ZNF609: variants seen among roughly 807,000 people sequenced by gnomAD.
The protein encoded by ZNF609 is zinc finger protein 609.
In ZNF609, 11 loss-of-function variants were observed where a neutral mutation model predicts 109.5. The observed-to-expected ratio is 0.10, with a 90% CI of 0.06 to 0.17. The LOEUF is 0.17. Among genes scored for constraint, ZNF609 ranks in the 10% least tolerant of loss-of-function variants. The pLI is 1.00. For synonymous variants in ZNF609, 646 were observed against 662.0 expected, an observed-to-expected ratio of 0.98 and a Z score of 0.37; for missense variants, 1,559 against 1,772.4, an observed-to-expected ratio of 0.88 and a Z score of 2.16.
intron 2 of ZNF609, among the ~76,000 whole-genome samples, chr15:64,553,982 T>G (rs1006832172): frequency 6.6e-6 from 1 of 152,192 alleles, no homozygotes; most frequent in Admixed American, 6.5e-5. Context: ...TCTTTTAAGA[T>G]TCCATAGAAT....
intron 1 of ZNF609, among the ~76,000 whole-genome samples, chr15:64,484,303 G>A (rs1052349547): frequency 1.3e-5 from 2 of 152,162 alleles, no homozygotes; most frequent in Non-Finnish European, 2.9e-5. Flanking sequence ...GATAAGAATT[G>A]CATTTAAAAA....
At chr15:64,663,279 A>G (rs1896604925) in intron 3 of ZNF609, among the ~76,000 whole-genome samples, 1 of 152,170 alleles carries the variant, frequency 6.6e-6, no homozygotes, top group South Asian at 2.1e-4. Flanking sequence ...AGATTTGCTG[A>G]TGGTCAGGTG....
At chr15:64,482,447 C>G (rs1442202396) in intron 1 of ZNF609, among the ~76,000 whole-genome samples, 1 of 151,682 alleles carries the variant, frequency 6.6e-6, no homozygotes, top group African/African-American at 2.4e-5. Context: ...ATTTATCTAC[C>G]CAAGAATTTA....
chr15:64,461,803 G>A (rs562792101), intron 1 of ZNF609, among the ~76,000 whole-genome samples: 2 of 152,278 alleles, frequency 1.3e-5, no homozygotes. Context: ...AGCCTAAGGG[G>A]TTGAGGAGAG....
intron 2 of ZNF609, among the ~76,000 whole-genome samples, chr15:64,537,153 G>T (rs1016402251): frequency 1.3e-5 from 2 of 151,424 alleles, no homozygotes; most frequent in Non-Finnish European, 2.9e-5. Flanking sequence ...AACCTGGGAG[G>T]TGGAGATTAC....
At position 64,567,863 on chromosome 15, in the gene ZNF609, G is replaced by A. The variant is rs541668622; in HGVS notation, c.748-54964G>A. On this transcript the variant is annotated intron_variant, in intron 2 of 9. Coordinates refer to ENST00000326648, the MANE Select transcript of ZNF609 (RefSeq NM_015042.2). ...TTTTTAGTAGAGACGGGATTTCAGC[G>A]TATTAGCCAGGATGGTCTCGATCTC... is the stretch of plus-strand genomic sequence containing the variant. Among the ~76,000 whole-genome samples, 35 of 151,958 alleles carry A rather than the reference G, an allele frequency of 2.3e-4. 2 individuals carry two copies. In the East Asian group the frequency reaches 5.7e-3, roughly 25 times the overall value.
rs111612929 is a variant in ZNF609, at chr15:64,611,876, G to T, written c.748-10951G>T. On this transcript the variant is annotated intron_variant, in intron 2 of 9. Coordinates refer to ENST00000326648, the MANE Select transcript of ZNF609 (RefSeq NM_015042.2). ...GCCTCCCGAGTAGCTGAGATTACAG[G>T]CTCCCGCCACCATGCCCGGCTAATT... Among the ~76,000 whole-genome samples the T allele has an allele frequency of 9.1e-3, 1,374 of 151,642 alleles. 19 individuals carry two copies. The highest frequency in any genetic ancestry group is 0.031 in the African/African-American group (1,299 of 41,314).
At chr15:64,671,472 A>G (rs1221846815) in intron 4 of ZNF609, 2 of 152,210 alleles carry the variant, frequency 1.3e-5, no homozygotes, top group African/African-American at 2.4e-5. Flanking sequence ...TGGGTGAGCA[A>G]ACATTCATTG....
At chr15:64,581,022 TA>T (rs1895095974) in intron 2 of ZNF609, among the ~76,000 whole-genome samples, 1 of 144,630 alleles carries the variant, frequency 6.9e-6, no homozygotes, top group Non-Finnish European at 1.5e-5. Context: ...ATTTTATTTT[TA>T]AATTTTTTTA....
At chr15:64,494,681 T>A (rs8042106) in intron 1 of ZNF609, among the ~76,000 whole-genome samples, 1 of 152,002 alleles carries the variant, frequency 6.6e-6, no homozygotes, top group East Asian at 1.9e-4. Context: ...CCCGCTACCA[T>A]GCCTGGCTAA....
At chr15:64,656,275 G>T (rs752707145) in intron 3 of ZNF609, among the ~76,000 whole-genome samples, 25 of 152,106 alleles carry the variant, frequency 1.6e-4, no homozygotes, top group Non-Finnish European at 2.6e-4. Flanking sequence ...TGTTGCCCAG[G>T]CTGGTCTCGA....
Position 64,631,196 on chromosome 15 carries a change from C to T in ZNF609, c.973+8144C>T, listed in dbSNP as rs1453290046. 6.4e-6 allele frequency: 4 copies of T among 620,718 alleles called. No individual in the cohort carries two copies. In the East Asian group the frequency reaches 1.1e-4, roughly 17 times the overall value. The allele number at this position is 620,718 out of a possible 1,614,324, so 38.5% of individuals were successfully genotyped here. On this transcript the variant is annotated intron_variant, in intron 3 of 9. Coordinates refer to ENST00000326648, the MANE Select transcript of ZNF609 (RefSeq NM_015042.2). Reference sequence around the variant, plus strand: ...CAAAGTGTGCTTCTCTGGGTAGAGGCTGCTGCTTCAGGTGAACCCAGATGC... The same window carrying T: ...CAAAGTGTGCTTCTCTGGGTAGAGGTTGCTGCTTCAGGTGAACCCAGATGC...
chr15:64,647,203 A>C (rs1210760776), intron 3 of ZNF609, among the ~76,000 whole-genome samples: 1 of 152,022 alleles, frequency 6.6e-6, no homozygotes, highest in African/African-American at 2.4e-5. Context: ...GTTAAGTGAA[A>C]TAAGCCAGTC....
At chr15:64,671,448 A>G (rs1896730264) in intron 4 of ZNF609, 2 of 152,304 alleles carry the variant, frequency 1.3e-5, no homozygotes, top group South Asian at 4.1e-4. Context: ...GACCAAAGCT[A>G]TAACATCTAA....
At chr15:64,662,148 C>T (rs1415133481) in intron 3 of ZNF609, among the ~76,000 whole-genome samples, 2 of 152,120 alleles carry the variant, frequency 1.3e-5, no homozygotes. Flanking sequence ...TTGCTGGCCT[C>T]GTGGACTTCT....
chr15:64,614,160 A>T (rs1567029744), intron 2 of ZNF609, among the ~76,000 whole-genome samples: 3 of 151,398 alleles, frequency 2.0e-5, no homozygotes, highest in Admixed American at 1.3e-4. Flanking sequence ...GCCTCAAGTG[A>T]TCTGCCCACC....
rs1398519874 is a variant in ZNF609, at chr15:64,674,307, C to G, written c.1453C>G (p.Leu485Val). The G allele has an allele frequency of 1.9e-6, 3 of 1,614,064 alleles. No individual in the cohort carries two copies. Among genetic ancestry groups the G allele is most frequent in the Non-Finnish European group, 1.7e-6 (2 of 1,180,052 alleles). ...TGGGACAAAGGTAGAACCCACTGTT[C>G]TGGACAGAAACTGCCCCTCCCCCGT... ...LPGTKVEPTV[L>V]DRNCPSPVLI... The change falls in exon 5 of 10, where the codon CTG becomes GTG. Residue 485 changes from leucine (L) to valine (V), a missense_variant. Physicochemically the swap from Leu to Val is conservative, Grantham distance 32 (BLOSUM62 1). Coordinates refer to ENST00000326648, the MANE Select transcript of ZNF609 (RefSeq NM_015042.2).
Position 64,684,698 on chromosome 15 carries a change from G to A in ZNF609, c.*3012G>A, listed in dbSNP as rs1238548299. 1 of 152,614 alleles carries A rather than the reference G, an allele frequency of 6.6e-6. No homozygotes were observed. The highest frequency in any genetic ancestry group is 1.5e-5 in the Non-Finnish European group (1 of 68,036). 9.5% of individuals were successfully genotyped at this position (152,614 alleles called of 1,614,324 possible). On this transcript the variant is annotated 3_prime_UTR_variant, in exon 10 of 10. Transcript: ENST00000326648. ...GTTTAAGGGGCCATGGCAGGACTTA[G>A]AGTTGCGAGTTAAGACTGCAGAGGG...
intron 2 of ZNF609, among the ~76,000 whole-genome samples, chr15:64,580,556 C>CTTT (rs66976954): frequency 3.5e-5 from 5 of 144,236 alleles, no homozygotes; most frequent in Non-Finnish European, 6.0e-5. Context: ...CTTTTCTTTT[C>CTTT]TTTTTTTTTT....
Sources: gnomAD v4.1 joint callset for allele counts (sites outside exome capture counted in the v4.1 genomes callset) on GRCh38, gnomAD v4.1.1 for gene constraint, MANE v1.5 for transcripts, NCBI Gene and HGNC (gene_info 2026-07-23, HGNC 2026-07-21) for gene names.